The following CEP89 variants were observed in gnomAD, a reference collection of about 807,000 sequenced individuals.
CEP89 encodes centrosomal protein 89.
In CEP89, 95 loss-of-function variants were observed where a neutral mutation model predicts 97.6. The observed-to-expected ratio is 0.97, with a 90% CI of 0.82 to 1.15. CEP89 has a LOEUF of 1.15. CEP89 is among the 50% of genes most tolerant of loss of function. CEP89 has a pLI of 0.00. For missense variants in CEP89, 869 were observed against 947.7 expected, an observed-to-expected ratio of 0.92 and a Z score of 1.09; for synonymous variants, 354 against 349.1, an observed-to-expected ratio of 1.01 and a Z score of -0.16.
rs774927299 is a variant in CEP89, at chr19:32,926,949, AG to A, written c.1064del (p.Pro355LeufsTer9). On this transcript the variant is annotated frameshift_variant, in exon 10 of 19. Coordinates refer to ENST00000305768, the MANE Select transcript of CEP89 (RefSeq NM_032816.5). LOFTEE classifies it high-confidence loss of function. Reference protein sequence around the residue: ...LNIEGLPSKGPIPPWLLDIKY... With the variant: ...LNIEGLPSKGXIPPWLLDIKY... ...TTTCACTTACCAACCAGGGTGGTAT[AG>A]GGCCCTTGGATGGGAGGCCTTCAAT... The A allele has an allele frequency of 1.9e-6, 3 of 1,612,890 alleles. No homozygotes were observed. The highest frequency in any genetic ancestry group is 2.2e-5 in the South Asian group (2 of 91,012).
At position 32,908,694 on chromosome 19, in the gene CEP89, G is replaced by T. The variant is rs1383632398; in HGVS notation, c.1565+6643C>A. The stretch of plus-strand genomic sequence containing the variant: ...AGTGCCCTCCGACAGCCTCCACTAG[G>T]GAGCCCCTTCCCATGTTGGCATCAT... On this transcript the variant is annotated intron_variant, in intron 14 of 18. Transcript: ENST00000305768. Among the ~76,000 whole-genome samples the T allele has an allele frequency of 2.0e-5, 3 of 152,158 alleles. No homozygotes were observed. In the East Asian group the frequency reaches 5.8e-4, roughly 29 times the overall value.
intron 1 of CEP89, chr19:32,970,534 T>C (rs1164714174): frequency 6.6e-6 from 1 of 152,186 alleles, no homozygotes; most frequent in Admixed American, 6.6e-5. Context: ...TCTAGCTTTG[T>C]CGCCCAGGCT....
chr19:32,923,568 A>C (rs1053316610), intron 11 of CEP89, 26 bp from the exon 12 acceptor site: 1 of 1,340,314 alleles, frequency 7.5e-7, no homozygotes, highest in Non-Finnish European at 1.1e-6. Context: ...CGTAAATTAT[A>C]ACACACACAT....
At chr19:32,919,911 G>T (rs1399121414) in intron 12 of CEP89, among the ~76,000 whole-genome samples, 1 of 152,032 alleles carries the variant, frequency 6.6e-6, no homozygotes, top group Non-Finnish European at 1.5e-5. Flanking sequence ...CTCCCAAAGT[G>T]CTGGGATTAC....
intron 5 of CEP89, among the ~76,000 whole-genome samples, chr19:32,946,419 G>A (rs1970798938): frequency 6.6e-6 from 1 of 152,154 alleles, no homozygotes. Flanking sequence ...AACCAAATCT[G>A]GGGACATAGA....
At chr19:32,926,777 G>A (rs542207703) in intron 10 of CEP89, among the ~76,000 whole-genome samples, 157 bp downstream of exon 10, 6 of 152,262 alleles carry the variant, frequency 3.9e-5, no homozygotes, top group African/African-American at 1.2e-4. Flanking sequence ...GGCCAGGCTG[G>A]TCTTGAACCC....
intron 5 of CEP89, among the ~76,000 whole-genome samples, chr19:32,941,480 G>A (rs1040501275): frequency 2.6e-5 from 4 of 152,028 alleles, no homozygotes; most frequent in Admixed American, 6.6e-5. Context: ...TCCAGCCTGC[G>A]CAACAGAGCA....
At chr19:32,966,226 G>A (rs548011793) in intron 2 of CEP89, 134 bp downstream of exon 2, 17 of 430,384 alleles carry the variant, frequency 3.9e-5, no homozygotes, top group East Asian at 2.8e-4. Flanking sequence ...TTATGGAATC[G>A]TGGTAAACAT....
intron 14 of CEP89, among the ~76,000 whole-genome samples, chr19:32,910,371 G>C (rs1267036808): frequency 2.0e-5 from 3 of 152,086 alleles, no homozygotes; most frequent in Non-Finnish European, 4.4e-5. Flanking sequence ...CATGAATAGA[G>C]CTTGCAGGAC....
intron 4 of CEP89, among the ~76,000 whole-genome samples, chr19:32,953,253 G>A (rs1438425146): frequency 6.6e-6 from 1 of 151,242 alleles, no homozygotes; most frequent in African/African-American, 2.4e-5. Flanking sequence ...AGACACGCAT[G>A]ACGATCTTCC....
rs939278759 is a variant in CEP89 at position 32,878,810 on chromosome 19, A to T, written c.*352T>A. ...TAGCAAGACCTCATCTCAACAAAAA[A>T]GAAAAAAATTAGCTGGGCCTGACAG... On this transcript the variant is annotated 3_prime_UTR_variant, in exon 19 of 19. Coordinates refer to ENST00000305768, the MANE Select transcript of CEP89 (RefSeq NM_032816.5). The T allele has an allele frequency of 1.1e-5, 2 of 182,722 alleles. No individual in the cohort carries two copies. Among genetic ancestry groups the T allele is most frequent in the Non-Finnish European group, 2.3e-5 (2 of 88,330 alleles). 11.3% of individuals were successfully genotyped at this position (182,722 alleles called of 1,614,324 possible).
chr19:32,939,772 C>A (rs1162643100), intron 6 of CEP89, 85 bp downstream of exon 6: 10 of 643,422 alleles, frequency 1.6e-5, no homozygotes, highest in Non-Finnish European at 2.4e-5. Flanking sequence ...AAAGTTTCAA[C>A]ACCAAAGTTG....
rs1599763108 is a variant in CEP89 at position 32,943,548 on chromosome 19, C to A, written c.596-3663G>T. Among the ~76,000 whole-genome samples, 4 of 151,870 alleles carry A rather than the reference C, an allele frequency of 2.6e-5. No homozygotes were observed. The Middle Eastern group carries it at 0.014, about 524-fold the overall frequency. On this transcript the variant is annotated intron_variant, in intron 5 of 18. Coordinates refer to ENST00000305768, the MANE Select transcript of CEP89 (RefSeq NM_032816.5). ...GCCGAGATGGGAGGATGGTTTAAGCCCAGGAGGTAGAGGCTGCAGTGAGCT... is the reference window on the plus strand; with the variant it reads ...GCCGAGATGGGAGGATGGTTTAAGCACAGGAGGTAGAGGCTGCAGTGAGCT...
Position 32,879,273 on chromosome 19 carries a change from G to A in CEP89, c.2241C>T (p.Asp747=). The A allele has an allele frequency of 2.5e-6, 4 of 1,614,258 alleles. No homozygotes were observed. Among genetic ancestry groups the A allele is most frequent in the Non-Finnish European group, 2.5e-6 (3 of 1,180,040 alleles). ...TGGGGGCAACCAGAGCTCTGGGGTTGTCCTGCACGCCTGTCCTCGTGAGTG... is the reference window on the plus strand; with the variant it reads ...TGGGGGCAACCAGAGCTCTGGGGTTATCCTGCACGCCTGTCCTCGTGAGTG... The part of the protein sequence containing the change: ...QDTLTRTGVQ[D]NPRALVAPSL... Residue 747 remains aspartate, a synonymous_variant, in exon 19 of 19, where the codon GAC becomes GAT. Transcript: ENST00000305768.
At chr19:32,950,984 T>C (rs893997390) in intron 4 of CEP89, among the ~76,000 whole-genome samples, 1 of 152,208 alleles carries the variant, frequency 6.6e-6, no homozygotes, top group Non-Finnish European at 1.5e-5. Flanking sequence ...AAAGCTAATC[T>C]TGGCAATGGT....
Position 32,971,849 on chromosome 19 carries a change from C to A in CEP89, c.26G>T (p.Arg9Leu). Reference protein sequence around the residue: MLLGFRRGRRSHFKHIIHG... With the variant: MLLGFRRGLRSHFKHIIHG... ...GCATCTACTTACGAAATGACTCCTG[C>A]GGCCTCTCCGAAATCCCAGGAGCAT... Residue 9 changes from arginine (R) to leucine (L), a missense_variant, in exon 1 of 19, where the codon CGC becomes CTC. Coordinates refer to ENST00000305768, the MANE Select transcript of CEP89 (RefSeq NM_032816.5). 5.0e-6 allele frequency: 8 copies of A among 1,594,414 alleles called. No homozygotes were observed. The highest frequency in any genetic ancestry group is 1.1e-5 in the South Asian group (1 of 88,310).
intron 14 of CEP89, 36 bp downstream of exon 14, chr19:32,915,301 A>G (rs1970098561): frequency 2.9e-6 from 1 of 349,670 alleles, no homozygotes. Flanking sequence ...TCGAAAAAAG[A>G]AAAAAAAAAA....
intron 14 of CEP89, among the ~76,000 whole-genome samples, chr19:32,911,818 T>C (rs1970007226): frequency 6.6e-6 from 1 of 152,098 alleles, no homozygotes. Context: ...AAGGAGGAGT[T>C]GGAGAGAAAC....
At chr19:32,940,348 G>A (rs1334260355) in intron 5 of CEP89, among the ~76,000 whole-genome samples, 1 of 143,694 alleles carries the variant, frequency 7.0e-6, no homozygotes, top group African/African-American at 2.6e-5. Flanking sequence ...TTCCCATGCC[G>A]GGCTCCTCCT....
Sources: gnomAD v4.1 joint callset for allele counts (sites outside exome capture counted in the v4.1 genomes callset) on GRCh38, gnomAD v4.1.1 for gene constraint, MANE v1.5 for transcripts, NCBI Gene and HGNC (gene_info 2026-07-23, HGNC 2026-07-21) for gene names.